TNFAIP8: variants seen among roughly 807,000 people sequenced by gnomAD.
TNFAIP8 encodes the protein TNF alpha induced protein 8, also known as tumor necrosis factor alpha-induced protein 8.
A neutral mutation model predicts 13.3 loss-of-function variants in TNFAIP8; 7 were observed. That is an observed-to-expected ratio of 0.52 (90% CI 0.30 to 0.99). The LOEUF is 0.99. Among genes scored for constraint, TNFAIP8 ranks in the 50% least tolerant of loss-of-function variants. The pLI is 0.07. For missense variants in TNFAIP8, 258 were observed against 236.9 expected (o/e 1.09, Z -0.58); for synonymous variants, 94 against 87.6 (o/e 1.07, Z -0.41).
Position 119,392,895 on chromosome 5 carries a change from C to T in TNFAIP8, c.111C>T (p.Ser37=), listed in dbSNP as rs1251281194. ...KKILGKMVSK[S]IATTLIDDTS... is the part of the protein sequence containing the mutation. ...TCTTGGGTAAAATGGTGTCCAAATC[C>T]ATCGCCACCACCTTAATAGACGACA... Residue 37 remains serine, a synonymous_variant, in exon 2 of 2, where the codon TCC becomes TCT. Transcript: ENST00000504771. 3 of 1,587,714 alleles carry T rather than the reference C, an allele frequency of 1.9e-6. No individual in the cohort carries two copies. The highest frequency in any genetic ancestry group is 2.6e-6 in the Non-Finnish European group (3 of 1,167,046).
intron 1 of TNFAIP8, among the ~76,000 whole-genome samples, chr5:119,311,862 A>G (rs1749743444): frequency 6.6e-6 from 1 of 152,282 alleles, no homozygotes. Context: ...AGTGTTAAGC[A>G]GAGGAATGAA....
At chr5:119,328,546 T>C (rs1036414820) in intron 1 of TNFAIP8, among the ~76,000 whole-genome samples, 3 of 152,132 alleles carry the variant, frequency 2.0e-5, no homozygotes, top group Non-Finnish European at 2.9e-5. Flanking sequence ...GACACACAGA[T>C]GAGAAGACAG....
intron 1 of TNFAIP8, among the ~76,000 whole-genome samples, chr5:119,363,634 A>G (rs1751714277): frequency 6.6e-6 from 1 of 152,236 alleles, no homozygotes; most frequent in South Asian, 2.1e-4. Flanking sequence ...CTGGTTTCCT[A>G]TACATTCACA....
chr5:119,380,642 A>T (rs185904641), intron 1 of TNFAIP8, among the ~76,000 whole-genome samples: 1 of 152,366 alleles, frequency 6.6e-6, no homozygotes, highest in East Asian at 1.9e-4. Context: ...AATAAGGAAG[A>T]TTCATTTAAT....
At chr5:119,277,531 T>C (rs768140471) in intron 1 of TNFAIP8, among the ~76,000 whole-genome samples, 2 of 152,202 alleles carry the variant, frequency 1.3e-5, no homozygotes, top group Non-Finnish European at 2.9e-5. Flanking sequence ...TCTCCTCTTA[T>C]AAGGATACCA....
At chr5:119,371,280 G>C (rs1752059083) in intron 1 of TNFAIP8, among the ~76,000 whole-genome samples, 1 of 152,152 alleles carries the variant, frequency 6.6e-6, no homozygotes, top group Non-Finnish European at 1.5e-5. Flanking sequence ...GTACAGAGAA[G>C]CACTTGTTCG....
At chr5:119,365,355 G>A (rs1055624601) in intron 1 of TNFAIP8, among the ~76,000 whole-genome samples, 5 of 152,162 alleles carry the variant, frequency 3.3e-5, no homozygotes, top group African/African-American at 1.2e-4. Flanking sequence ...AGTAAGCTGA[G>A]CCATTTTGAG....
chr5:119,288,129 C>G (rs1748860542), intron 1 of TNFAIP8, among the ~76,000 whole-genome samples: 1 of 152,242 alleles, frequency 6.6e-6, no homozygotes, highest in Non-Finnish European at 1.5e-5. Context: ...GTGAAAACAT[C>G]TGTTTCATTT....
intron 1 of TNFAIP8, among the ~76,000 whole-genome samples, chr5:119,300,142 C>T (rs557121891): frequency 8.7e-4 from 133 of 152,314 alleles, no homozygotes; most frequent in African/African-American, 3.0e-3. Flanking sequence ...ATCTGGCACT[C>T]CCTAATGAGA....
intron 1 of TNFAIP8, among the ~76,000 whole-genome samples, chr5:119,294,817 CT>C: frequency 6.6e-6 from 1 of 152,108 alleles, no homozygotes; most frequent in Non-Finnish European, 1.5e-5. Context: ...TTTCATGTGT[CT>C]TTTGGCTGCA....
intron 1 of TNFAIP8, among the ~76,000 whole-genome samples, chr5:119,282,836 T>C (rs1748674236): frequency 6.6e-6 from 1 of 152,242 alleles, no homozygotes; most frequent in South Asian, 2.1e-4. Flanking sequence ...CTTCATTTCT[T>C]GCCCATCACA....
chr5:119,355,357 T>G (rs1224477466), upstream of TNFAIP8: 2 of 702,408 alleles, frequency 2.8e-6, no homozygotes, highest in South Asian at 3.0e-5. Flanking sequence ...CTATACTGAA[T>G]GAGTAAGCAG....
At chr5:119,341,491 T>C (rs1750735824) in intron 1 of TNFAIP8, among the ~76,000 whole-genome samples, 1 of 152,242 alleles carries the variant, frequency 6.6e-6, no homozygotes, top group South Asian at 2.1e-4. Flanking sequence ...CCTTGGGCTA[T>C]AAGCCATCTG....
intron 1 of TNFAIP8, among the ~76,000 whole-genome samples, chr5:119,357,089 A>G (rs1751455702): frequency 6.6e-6 from 1 of 152,214 alleles, no homozygotes. Flanking sequence ...AGTTAGGAAG[A>G]GCCCTTGAAA....
intron 1 of TNFAIP8, among the ~76,000 whole-genome samples, chr5:119,371,158 A>G (rs568197400): frequency 1.3e-5 from 2 of 152,296 alleles, no homozygotes; most frequent in South Asian, 4.1e-4. Context: ...TTTTATTTTG[A>G]TACATTAACA....
chr5:119,325,236 A>G (rs745396446), intron 1 of TNFAIP8, among the ~76,000 whole-genome samples: 9 of 152,088 alleles, frequency 5.9e-5, no homozygotes, highest in Non-Finnish European at 7.4e-5. Context: ...ACTTCTGTCT[A>G]TTTCATGGGA....
chr5:119,305,524 G>A (rs370825205), intron 1 of TNFAIP8, among the ~76,000 whole-genome samples: 8 of 135,576 alleles, frequency 5.9e-5, no homozygotes, highest in Admixed American at 3.5e-4. Flanking sequence ...GAGCCCAGGA[G>A]TTCAAGGCTG....
At chr5:119,350,904 C>T (rs1247175472) in intron 1 of TNFAIP8, among the ~76,000 whole-genome samples, 3 of 151,868 alleles carry the variant, frequency 2.0e-5, no homozygotes, top group South Asian at 4.2e-4. Context: ...CCAGTCTTAT[C>T]CCAGTGCAGA....
intron 1 of TNFAIP8, among the ~76,000 whole-genome samples, chr5:119,390,314 A>AT (rs1329747127): frequency 2.0e-5 from 3 of 151,950 alleles, no homozygotes; most frequent in South Asian, 2.1e-4. Flanking sequence ...AAGTTTATTG[A>AT]TTTTTTTTGA....
Sources: allele counts gnomAD v4.1 joint callset (sites outside exome capture counted in the v4.1 genomes callset), GRCh38; gene constraint gnomAD v4.1.1; transcripts MANE v1.5; gene names NCBI Gene and HGNC (gene_info 2026-07-23, HGNC 2026-07-21).